AHCY: variants seen among roughly 807,000 people sequenced by gnomAD.
AHCY encodes adenosylhomocysteinase, also known as S-adenosyl-L-homocysteine hydrolase.
Under a neutral mutation model 45.4 loss-of-function variants are expected in AHCY, and 24 were observed. The observed-to-expected ratio is 0.53, with a 90% confidence interval of 0.38 to 0.74. AHCY has a LOEUF of 0.74. Among genes scored for constraint, AHCY ranks in the 30% least tolerant of loss-of-function variants. The probability of loss-of-function intolerance (pLI) is 0.00; values close to 1 mark genes in which losing one functional copy is unlikely to be tolerated. For synonymous variants in AHCY, 245 were observed against 235.1 expected (o/e 1.04, Z -0.39); for missense variants, 449 against 594.1 (o/e 0.76, Z 2.54).
At chr20:34,304,020 A>G (rs1428369734), upstream of AHCY, among the ~76,000 whole-genome samples, 1 of 152,236 alleles carries the variant, frequency 6.6e-6, no homozygotes, top group African/African-American at 2.4e-5. Context: ...AACAAAGTTA[A>G]GTTGCCATTT....
the AHCY span, among the ~76,000 whole-genome samples, chr20:34,248,566 G>A: frequency 6.6e-6 from 1 of 152,184 alleles, no homozygotes; most frequent in Non-Finnish European, 1.5e-5. Context: ...ACTTTGGGAG[G>A]CCGAGGAGGC....
At chr20:34,242,011 A>T in the AHCY span, among the ~76,000 whole-genome samples, 1 of 152,118 alleles carries the variant, frequency 6.6e-6, no homozygotes, top group African/African-American at 2.4e-5. Context: ...TTCTGAATGG[A>T]TATCCATATT....
chr20:34,257,279 C>T, the AHCY span, among the ~76,000 whole-genome samples: 3 of 151,808 alleles, frequency 2.0e-5, no homozygotes, highest in African/African-American at 4.8e-5. Context: ...TTAGTAGAAA[C>T]GGGGTTTCAC....
At chr20:34,256,496 GTCTC>G in the AHCY span, among the ~76,000 whole-genome samples, 1 of 152,260 alleles carries the variant, frequency 6.6e-6, no homozygotes, top group South Asian at 2.1e-4. Flanking sequence ...TAGAGATGAG[GTCTC>G]TCTATGTTGC....
chr20:34,307,783 C>T (rs2055229006), upstream of AHCY, among the ~76,000 whole-genome samples: 2 of 152,168 alleles, frequency 1.3e-5, no homozygotes, highest in Admixed American at 6.5e-5. Flanking sequence ...TTTTGTCACC[C>T]ATTAAATTAA....
the AHCY span, chr20:34,262,835 T>C: frequency 3.1e-6 from 5 of 1,613,774 alleles, no homozygotes; most frequent in South Asian, 1.1e-5. Context: ...TTTGAAGCGC[T>C]GAACAAGAAA....
chr20:34,261,245 C>A, the AHCY span, among the ~76,000 whole-genome samples: 1 of 152,170 alleles, frequency 6.6e-6, no homozygotes, highest in Non-Finnish European at 1.5e-5. Flanking sequence ...CACCTGTAAT[C>A]CCAGCACTTT....
the AHCY span, among the ~76,000 whole-genome samples, chr20:34,258,698 A>ATATATATATATATATAC: frequency 1.8e-4 from 11 of 62,042 alleles, 1 homozygote; most frequent in African/African-American, 9.7e-4. Flanking sequence ...TATACATACT[A>ATATATATATATATATAC]TATATATATA....
chr20:34,246,253 CTT>C, the AHCY span: 1 of 1,550,798 alleles, frequency 6.4e-7, no homozygotes, highest in Non-Finnish European at 8.7e-7. Context: ...TTCCACCTCT[CTT>C]CTGTTTTTTC....
the AHCY span, among the ~76,000 whole-genome samples, chr20:34,243,773 A>C: frequency 1.3e-5 from 2 of 151,924 alleles, no homozygotes; most frequent in South Asian, 2.1e-4. Context: ...AAAAAAAAAA[A>C]AAACTGTCTC....
the AHCY span, among the ~76,000 whole-genome samples, chr20:34,256,874 G>C: frequency 6.6e-6 from 1 of 151,992 alleles, no homozygotes; most frequent in Non-Finnish European, 1.5e-5. Context: ...TCAACTTCCT[G>C]GGGTCAGGTG....
the AHCY span, among the ~76,000 whole-genome samples, chr20:34,245,375 G>C: frequency 6.7e-6 from 1 of 149,282 alleles, no homozygotes; most frequent in African/African-American, 2.5e-5. Context: ...GAGAAAGTCA[G>C]TACCAAATGA....
At chr20:34,295,728 A>C (rs1352064105) in intron 1 of AHCY, 143 bp from the exon 2 acceptor site, 2 of 868,544 alleles carry the variant, frequency 2.3e-6, no homozygotes, top group African/African-American at 1.7e-5. Context: ...TCACTCATGC[A>C]ACAAGTATTT....
At chr20:34,278,919 G>C (rs548919038), downstream of AHCY, among the ~76,000 whole-genome samples, 1 of 151,362 alleles carries the variant, frequency 6.6e-6, no homozygotes, top group Non-Finnish European at 1.5e-5. Flanking sequence ...GACCAGCCTG[G>C]CCAACATGGT....
intron 2 of AHCY, 107 bp downstream of exon 2, chr20:34,295,288 C>T (rs1209567850): frequency 2.4e-5 from 33 of 1,369,974 alleles, no homozygotes; most frequent in East Asian, 1.2e-4. Flanking sequence ...TCCAGGCCCG[C>T]GGTCAGCTCC....
chr20:34,249,225 G>A, the AHCY span, among the ~76,000 whole-genome samples: 1 of 152,094 alleles, frequency 6.6e-6, no homozygotes, highest in Non-Finnish European at 1.5e-5. Flanking sequence ...CACACAGGGA[G>A]CTAGTGGCAG....
At chr20:34,269,347 A>C in the AHCY span, 3 of 752,534 alleles carry the variant, frequency 4.0e-6, no homozygotes, top group Non-Finnish European at 5.9e-6. Flanking sequence ...AGGCTGCTCG[A>C]AGGTGTGCGG....
At chr20:34,247,044 G>A in the AHCY span, among the ~76,000 whole-genome samples, 1 of 152,124 alleles carries the variant, frequency 6.6e-6, no homozygotes, top group South Asian at 2.1e-4. Context: ...CCAGGCTGGA[G>A]TGCAGTGGCA....
At chr20:34,293,333 AGGACGCT>A (rs1601665237) in intron 3 of AHCY, 1 of 157,756 alleles carries the variant, frequency 6.3e-6, no homozygotes, top group East Asian at 1.9e-4. Flanking sequence ...TTGTGAGCAA[AGGACGCT>A]GGCCAAGCAG....
Sources: gnomAD v4.1 joint callset for allele counts (sites outside exome capture counted in the v4.1 genomes callset) on GRCh38, gnomAD v4.1.1 for gene constraint, MANE v1.5 for transcripts, NCBI Gene and HGNC (gene_info 2026-07-23, HGNC 2026-07-21) for gene names.